WDR49: variants seen among roughly 807,000 people sequenced by gnomAD.
WDR49 encodes the protein WD repeat domain 49, also known as cilia- and flagella-associated protein 337.
Under a neutral mutation model 119.5 loss-of-function variants are expected in WDR49, and 107 were observed. The ratio of observed to expected loss-of-function variants is 0.90; its 90% CI spans 0.77 to 1.05. WDR49 has a LOEUF of 1.05. Among genes scored for constraint, WDR49 ranks in the 50% least tolerant of loss-of-function variants. WDR49 has a pLI of 0.00. For missense variants in WDR49, 1,240 were observed against 1,220.5 expected, an observed-to-expected ratio of 1.02 and a Z score of -0.24; for synonymous variants, 425 against 418.8, an observed-to-expected ratio of 1.01 and a Z score of -0.18.
intron 8 of WDR49, among the ~76,000 whole-genome samples, chr3:167,560,583 T>C (rs1713208176): frequency 6.6e-6 from 1 of 152,180 alleles, no homozygotes; most frequent in Non-Finnish European, 1.5e-5. Context: ...TCTGACACTA[T>C]TTACTATATG....
At chr3:167,520,504 C>T (rs867881376) in intron 16 of WDR49, among the ~76,000 whole-genome samples, 8 of 152,214 alleles carry the variant, frequency 5.3e-5, no homozygotes, top group African/African-American at 1.9e-4. Context: ...TATGATTGTA[C>T]AGGATTGCTC....
intron 15 of WDR49, among the ~76,000 whole-genome samples, chr3:167,524,142 G>A (rs1022118089): frequency 1.3e-5 from 2 of 152,130 alleles, no homozygotes; most frequent in African/African-American, 4.8e-5. Context: ...TTTCTCTAAT[G>A]ACCAGTGATA....
chr3:167,592,468 C>T (rs1715185503), intron 7 of WDR49, among the ~76,000 whole-genome samples: 1 of 146,506 alleles, frequency 6.8e-6, no homozygotes, highest in African/African-American at 2.6e-5. Flanking sequence ...TGGAGTCTCA[C>T]TCTGTCGCCA....
intron 2 of WDR49, among the ~76,000 whole-genome samples, chr3:167,645,168 T>C (rs933588047): frequency 1.3e-5 from 2 of 151,896 alleles, no homozygotes; most frequent in Non-Finnish European, 2.9e-5. Flanking sequence ...TTTTTTACCA[T>C]GAGAATAATG....
chr3:167,500,076 T>A (rs1751499093), intron 18 of WDR49, 77 bp downstream of exon 18: 1 of 1,402,842 alleles, frequency 7.1e-7, no homozygotes, highest in Non-Finnish European at 9.4e-7. Context: ...GTTATTTTCA[T>A]GCTCTTCTAC....
rs749163339 is a variant in WDR49 at position 167,602,107 on chromosome 3, A to G, written c.1275+20T>C. 9 of 1,549,176 alleles carry G rather than the reference A, an allele frequency of 5.8e-6. No individual in the cohort carries two copies. The South Asian group carries it at 9.6e-5, about 17-fold the overall frequency. ...TCGGGGAAGCAAAACTAAATTAATT[A>G]AAAGCACAATGTTACTTACTTTATC... On this transcript the variant is annotated intron_variant, in intron 7 of 18. Coordinates refer to ENST00000682715, the MANE Select transcript of WDR49 (RefSeq NM_001366157.1).
intron 5 of WDR49, among the ~76,000 whole-genome samples, chr3:167,608,660 A>G (rs1716180041): frequency 6.6e-6 from 1 of 152,192 alleles, no homozygotes. Context: ...ATAAATAAAA[A>G]TGTTTTTCTC....
intron 17 of WDR49, 40 bp from the exon 18 acceptor site, chr3:167,500,339 AG>A (rs1560252995): frequency 6.3e-7 from 1 of 1,597,124 alleles, no homozygotes; most frequent in South Asian, 1.1e-5. Context: ...AGGGAGAAAA[AG>A]GGTACAATAT....
rs537205089 is a variant in WDR49, at chr3:167,590,797, T to C, written c.1275+11330A>G. Among the ~76,000 whole-genome samples, 3 of 152,174 alleles carry C rather than the reference T, an allele frequency of 2.0e-5. No homozygotes were observed. The East Asian group carries it at 5.8e-4, about 29-fold the overall frequency. On this transcript the variant is annotated intron_variant, in intron 7 of 18. Coordinates refer to ENST00000682715, the MANE Select transcript of WDR49 (RefSeq NM_001366157.1). ...TATTTTATTTGGGTTTTCTCTCTTTTTTTTCTGGCTAGAAAGTTAGTCTGG... is the reference window on the plus strand; with the variant it reads ...TATTTTATTTGGGTTTTCTCTCTTTCTTTTCTGGCTAGAAAGTTAGTCTGG...
intron 10 of WDR49, among the ~76,000 whole-genome samples, chr3:167,549,374 C>T (rs555233374): frequency 9.6e-4 from 146 of 151,996 alleles, no homozygotes; most frequent in African/African-American, 3.1e-3. Context: ...GACTTTTTAA[C>T]GATAGCCATT....
intron 15 of WDR49, 34 bp from the exon 16 acceptor site, chr3:167,522,518 T>C (rs967536655): frequency 5.1e-6 from 8 of 1,573,678 alleles, no homozygotes; most frequent in Non-Finnish European, 6.8e-6. Flanking sequence ...TTTATTTTTA[T>C]GAAATTTATT....
At chr3:167,615,189 T>C (rs1716534875) in intron 5 of WDR49, among the ~76,000 whole-genome samples, 1 of 152,014 alleles carries the variant, frequency 6.6e-6, no homozygotes, top group Non-Finnish European at 1.5e-5. Flanking sequence ...ACTTGAGGAG[T>C]ATAGTGGTGA....
At chr3:167,509,329 T>C (rs1266140156) in intron 16 of WDR49, among the ~76,000 whole-genome samples, 1 of 152,122 alleles carries the variant, frequency 6.6e-6, no homozygotes, top group Non-Finnish European at 1.5e-5. Context: ...AGGGTATCTG[T>C]GAGATGTGAG....
chr3:167,520,079 A>AATGTG (rs1553862258), intron 16 of WDR49, among the ~76,000 whole-genome samples: 1 of 149,180 alleles, frequency 6.7e-6, no homozygotes, highest in Non-Finnish European at 1.5e-5. Flanking sequence ...AAAGAAAAAA[A>AATGTG]TGTGTGTGTG....
At chr3:167,525,243 T>C (rs1752592625) in intron 15 of WDR49, among the ~76,000 whole-genome samples, 1 of 152,126 alleles carries the variant, frequency 6.6e-6, no homozygotes, top group Admixed American at 6.6e-5. Flanking sequence ...TTGTGATTTT[T>C]GCACATTAAT....
chr3:167,565,189 T>C (rs2108274445), intron 8 of WDR49, among the ~76,000 whole-genome samples: 1 of 152,234 alleles, frequency 6.6e-6, no homozygotes, highest in Non-Finnish European at 1.5e-5. Context: ...CCTTGCTTAG[T>C]GGATTTTTTC....
At chr3:167,510,698 T>C (rs1385342432) in intron 16 of WDR49, among the ~76,000 whole-genome samples, 1 of 152,192 alleles carries the variant, frequency 6.6e-6, no homozygotes, top group Non-Finnish European at 1.5e-5. Flanking sequence ...GAAGATAATA[T>C]ACACCCCAAT....
At chr3:167,594,315 T>C (rs1715298335) in intron 7 of WDR49, among the ~76,000 whole-genome samples, 1 of 152,196 alleles carries the variant, frequency 6.6e-6, no homozygotes, top group African/African-American at 2.4e-5. Context: ...ATGAAGTTCA[T>C]GCTGAGGTGG....
intron 2 of WDR49, among the ~76,000 whole-genome samples, chr3:167,649,256 G>A (rs1458545264): frequency 6.6e-6 from 1 of 152,020 alleles, no homozygotes; most frequent in Non-Finnish European, 1.5e-5. Flanking sequence ...GCCTAGAGAA[G>A]GATGGGTCCT....
Sources: allele counts gnomAD v4.1 joint callset (sites outside exome capture counted in the v4.1 genomes callset), GRCh38; gene constraint gnomAD v4.1.1; transcripts MANE v1.5; gene names NCBI Gene and HGNC (gene_info 2026-07-23, HGNC 2026-07-21).